BMPR1B: variants seen among roughly 807,000 people sequenced by gnomAD.
BMPR1B encodes the protein bone morphogenetic protein receptor type 1B.
A neutral mutation model predicts 59.1 loss-of-function variants in BMPR1B; 12 were observed. The observed-to-expected ratio is 0.20, with a 90% CI of 0.13 to 0.33. BMPR1B has a LOEUF of 0.33. BMPR1B is among the 10% of genes least tolerant of loss of function. The pLI, the probability that BMPR1B is intolerant of heterozygous loss-of-function variation, is 1.00. For synonymous variants in BMPR1B, 237 were observed against 207.3 expected (o/e 1.14, Z -1.23); for missense variants, 550 against 610.9 (o/e 0.90, Z 1.05).
At chr4:94,907,424 TG>T (rs1350448071) in intron 2 of BMPR1B, among the ~76,000 whole-genome samples, 1 of 152,082 alleles carries the variant, frequency 6.6e-6, no homozygotes, top group Admixed American at 6.6e-5. Context: ...TTTATTTGGT[TG>T]TCTGTTCTAT....
In BMPR1B at chr4:94,817,726, G is replaced by A. The variant is rs1479488084; in HGVS notation, c.-182-58105G>A. Among the ~76,000 whole-genome samples the A allele has an allele frequency of 2.6e-5, 4 of 152,244 alleles. No individual in the cohort carries two copies. In the East Asian group the frequency reaches 5.8e-4, roughly 22 times the overall value. ...GGGTGAGAGATAGTGTCTGCCCTAT[G>A]CTTCAGGGTCAGGGTGTGGGAAGGG... On this transcript the variant is annotated intron_variant, in intron 1 of 12. Transcript: ENST00000515059.
rs70946577 is a variant in BMPR1B at position 94,999,427 on chromosome 4, C to CGTGTGT, written c.-18+3312_-18+3317dup. Among the ~76,000 whole-genome samples, 71 of 148,510 alleles carry CGTGTGT rather than the reference C, an allele frequency of 4.8e-4. No homozygotes were observed. The South Asian group carries it at 6.2e-3, about 13-fold the overall frequency. On this transcript the variant is annotated intron_variant, in intron 3 of 12. Transcript: ENST00000515059. Reference sequence around the variant, plus strand: ...TTTTCTAGGACCAATCAGTGTTGTGCGTGTGTGTGTGTGTGTGTGTGTGTA... The same window carrying CGTGTGT: ...TTTTCTAGGACCAATCAGTGTTGTGCGTGTGTGTGTGTGTGTGTGTGTGTGTGTGTA...
intron 3 of BMPR1B, among the ~76,000 whole-genome samples, chr4:95,024,225 A>C (rs1724196504): frequency 6.6e-6 from 1 of 152,218 alleles, no homozygotes; most frequent in Admixed American, 6.6e-5. Context: ...GTAATTAAAG[A>C]AGTGACTTTA....
intron 4 of BMPR1B, among the ~76,000 whole-genome samples, chr4:95,109,585 C>T (rs192583253): frequency 5.9e-5 from 9 of 152,126 alleles, no homozygotes; most frequent in Admixed American, 2.0e-4. Flanking sequence ...ATTTTTTCCA[C>T]GGTTGCCCAG....
At chr4:95,016,043 C>G (rs1723565159) in intron 3 of BMPR1B, among the ~76,000 whole-genome samples, 1 of 152,094 alleles carries the variant, frequency 6.6e-6, no homozygotes, top group Non-Finnish European at 1.5e-5. Flanking sequence ...ACAATTCAGA[C>G]TTAGATATTG....
chr4:94,796,880 T>G (rs960827517), intron 1 of BMPR1B, among the ~76,000 whole-genome samples: 1 of 152,240 alleles, frequency 6.6e-6, no homozygotes, highest in African/African-American at 2.4e-5. Context: ...TATAGTCAGG[T>G]ATAATAGAGT....
intron 1 of BMPR1B, among the ~76,000 whole-genome samples, chr4:94,818,461 G>T (rs1724089086): frequency 6.6e-6 from 1 of 152,140 alleles, no homozygotes; most frequent in South Asian, 2.1e-4. Flanking sequence ...GCATCTTGCT[G>T]GTATAGTTTT....
chr4:95,053,483 A>G (rs974006495), intron 3 of BMPR1B, among the ~76,000 whole-genome samples: 1 of 152,152 alleles, frequency 6.6e-6, no homozygotes, highest in Non-Finnish European at 1.5e-5. Flanking sequence ...TCACAACTGT[A>G]AAATAGGGAT....
chr4:95,091,108 A>G (rs1038226892), intron 3 of BMPR1B, among the ~76,000 whole-genome samples: 2 of 152,156 alleles, frequency 1.3e-5, no homozygotes, highest in Non-Finnish European at 2.9e-5. Context: ...GATATTATAA[A>G]GATAGATTTC....
At chr4:94,839,338 C>A (rs899015604) in intron 1 of BMPR1B, among the ~76,000 whole-genome samples, 3 of 144,754 alleles carry the variant, frequency 2.1e-5, no homozygotes, top group African/African-American at 7.7e-5. Flanking sequence ...TCTCGTTGAT[C>A]TGTCTAATGT....
At chr4:94,908,720 C>A (rs1029852073) in intron 2 of BMPR1B, among the ~76,000 whole-genome samples, 8 of 152,018 alleles carry the variant, frequency 5.3e-5, no homozygotes, top group Non-Finnish European at 1.2e-4. Flanking sequence ...CAGGACTTTT[C>A]ATCAAATCCA....
At chr4:95,087,996 T>G (rs906524893) in intron 3 of BMPR1B, among the ~76,000 whole-genome samples, 4 of 152,200 alleles carry the variant, frequency 2.6e-5, no homozygotes, top group South Asian at 2.1e-4. Flanking sequence ...TTATGAAATT[T>G]GAAAGTTACG....
intron 1 of BMPR1B, among the ~76,000 whole-genome samples, chr4:94,870,141 C>T (rs1394349791): frequency 3.3e-5 from 5 of 152,050 alleles, no homozygotes; most frequent in South Asian, 2.1e-4. Flanking sequence ...CTAAATTTTG[C>T]GTTTAAACTT....
intron 4 of BMPR1B, among the ~76,000 whole-genome samples, chr4:95,107,782 T>G (rs1050713325): frequency 1.3e-5 from 2 of 152,090 alleles, no homozygotes; most frequent in Non-Finnish European, 2.9e-5. Flanking sequence ...GTTCTGACAT[T>G]GGTTCTGAAA....
chr4:95,009,225 C>T (rs1482169049), intron 3 of BMPR1B, among the ~76,000 whole-genome samples: 7 of 152,088 alleles, frequency 4.6e-5, no homozygotes, highest in Non-Finnish European at 1.0e-4. Flanking sequence ...AAATTGAAAC[C>T]GAACATAAAC....
intron 1 of BMPR1B, among the ~76,000 whole-genome samples, chr4:94,781,220 AAT>A (rs146680675): frequency 1.7e-3 from 266 of 152,200 alleles, no homozygotes; most frequent in African/African-American, 6.0e-3. Context: ...AGGTTTTCTA[AAT>A]ATATGTCTCA....
At chr4:94,787,565 A>G (rs923965267) in intron 1 of BMPR1B, among the ~76,000 whole-genome samples, 1 of 152,160 alleles carries the variant, frequency 6.6e-6, no homozygotes. Flanking sequence ...TTGTCCTTTC[A>G]TATATTTCCA....
At chr4:95,060,324 CTG>C (rs987676003) in intron 3 of BMPR1B, among the ~76,000 whole-genome samples, 11 of 152,148 alleles carry the variant, frequency 7.2e-5, no homozygotes, top group Non-Finnish European at 1.3e-4. Context: ...AGAGAAGAAA[CTG>C]TGTGTATTTA....
chr4:94,830,468 A>G (rs753781341), intron 1 of BMPR1B, among the ~76,000 whole-genome samples: 3 of 152,142 alleles, frequency 2.0e-5, no homozygotes, highest in Non-Finnish European at 2.9e-5. Flanking sequence ...GTTAAGTGGC[A>G]TCATAGATGA....
Sources: allele counts gnomAD v4.1 joint callset (sites outside exome capture counted in the v4.1 genomes callset), GRCh38; gene constraint gnomAD v4.1.1; transcripts MANE v1.5; gene names NCBI Gene and HGNC (gene_info 2026-07-23, HGNC 2026-07-21).